EXOSC7: variants seen among roughly 807,000 people sequenced by gnomAD.
EXOSC7 encodes the protein exosome complex component RRP42.
In EXOSC7, 25 loss-of-function variants were observed where a neutral mutation model predicts 34.3. The observed-to-expected ratio is 0.73, with a 90% CI of 0.53 to 1.02. The LOEUF (loss-of-function observed/expected upper bound fraction) is 1.02, where lower values mean the gene tolerates loss of function less well. EXOSC7 is among the 50% of genes least tolerant of loss of function. The pLI is 0.00. For missense variants in EXOSC7, 370 were observed against 368.5 expected (o/e 1.00, Z -0.03); for synonymous variants, 130 against 143.0 (o/e 0.91, Z 0.65).
At chr3:44,996,388 C>CTT (rs1706722751) in intron 3 of EXOSC7, among the ~76,000 whole-genome samples, 2 of 151,914 alleles carry the variant, frequency 1.3e-5, no homozygotes, top group Admixed American at 1.3e-4. Context: ...GGTTATTGGG[C>CTT]ATAAATATCA....
intron 3 of EXOSC7, among the ~76,000 whole-genome samples, chr3:44,996,544 A>G (rs1706727140): frequency 6.6e-6 from 1 of 152,216 alleles, no homozygotes; most frequent in Non-Finnish European, 1.5e-5. Context: ...GTTTCTGACA[A>G]AGCTCTGACA....
chr3:44,997,046 TGGAA>T, intron 3 of EXOSC7, 37 bp from the exon 4 acceptor site: 1 of 1,601,392 alleles, frequency 6.2e-7, no homozygotes, highest in Admixed American at 1.7e-5. Context: ...TTTTTGCACT[TGGAA>T]AGACTCACCC....
intron 6 of EXOSC7, among the ~76,000 whole-genome samples, chr3:45,005,921 A>G (rs779367115): frequency 2.0e-5 from 3 of 152,230 alleles, no homozygotes; most frequent in African/African-American, 7.2e-5. Flanking sequence ...TGTATTGGCT[A>G]TTGACTGGGA....
chr3:45,001,939 A>G (rs1706894341), intron 5 of EXOSC7: 1 of 269,470 alleles, frequency 3.7e-6, no homozygotes, highest in Admixed American at 4.9e-5. Flanking sequence ...TACTGGGTGA[A>G]CTCTATGGGG....
At chr3:45,005,051 T>C (rs1396991277) in intron 5 of EXOSC7, 14 of 472,594 alleles carry the variant, frequency 3.0e-5, no homozygotes, top group Non-Finnish European at 5.0e-5. Flanking sequence ...TGAGATTCTT[T>C]TTTTTCCATT....
Position 44,997,017 on chromosome 3 carries a change from T to A in EXOSC7, c.255-70T>A, listed in dbSNP as rs1271108114. 3 of 1,499,020 alleles carry A rather than the reference T, an allele frequency of 2.0e-6. No homozygotes were observed. In the African/African-American group the frequency reaches 4.1e-5, roughly 21 times the overall value. 92.9% of individuals were successfully genotyped at this position (1,499,020 alleles called of 1,614,324 possible). A position where few individuals can be genotyped will look rare whatever the true frequency, so the allele number is the denominator to read the frequency against. ...CCAGCATTCTACAGGGAAACTGGAA[T>A]AAAGCTTTGCCTCTTTGCTTTTTGC... On this transcript the variant is annotated intron_variant, in intron 3 of 7. Transcript: ENST00000265564.
intron 4 of EXOSC7, among the ~76,000 whole-genome samples, chr3:44,997,859 T>C (rs1485301632): frequency 6.6e-6 from 1 of 152,132 alleles, no homozygotes; most frequent in East Asian, 1.9e-4. Flanking sequence ...TTTAGTTTCC[T>C]GGGTGAGGCC....
chr3:44,990,293 AGAGT>A (rs1024757053), intron 3 of EXOSC7, among the ~76,000 whole-genome samples: 21 of 115,668 alleles, frequency 1.8e-4, no homozygotes, highest in African/African-American at 6.2e-4. Flanking sequence ...GGAAATGAAT[AGAGT>A]GAGTACCTAG....
chr3:45,000,374 GAGATAGAC>G (rs1290614056), intron 4 of EXOSC7, among the ~76,000 whole-genome samples: 1 of 152,206 alleles, frequency 6.6e-6, no homozygotes, highest in East Asian at 1.9e-4. Context: ...AACTGCAGAG[GAGATAGAC>G]TCTAAACAAA....
In EXOSC7 at chr3:44,986,384, C is replaced by T. The variant is rs887617771; in HGVS notation, c.58-2756C>T. On this transcript the variant is annotated intron_variant, in intron 1 of 7. Transcript: ENST00000265564. The stretch of plus-strand genomic sequence containing the variant: ...TGGCTGCTCCAGAGTATGGGGCCCG[C>T]CTAGCCCACACCCACCCGCTGAGCC... Among the ~76,000 whole-genome samples, 34 of 152,350 alleles carry T rather than the reference C, an allele frequency of 2.2e-4. 1 individual carries two copies. The highest frequency in any genetic ancestry group is 1.2e-3 in the Admixed American group (18 of 15,314).
intron 7 of EXOSC7, among the ~76,000 whole-genome samples, chr3:45,009,706 C>G (rs1175855694): frequency 6.6e-6 from 1 of 152,058 alleles, no homozygotes; most frequent in Non-Finnish European, 1.5e-5. Context: ...CCACCACTCC[C>G]AGTTAATTTT....
chr3:44,977,683 T>C (rs72864809), intron 1 of EXOSC7, among the ~76,000 whole-genome samples: 1 of 152,368 alleles, frequency 6.6e-6, no homozygotes, highest in African/African-American at 2.4e-5. Flanking sequence ...TATTTTTGTA[T>C]ACACTTTGTT....
chr3:45,000,919 C>T (rs1387677418), intron 4 of EXOSC7, among the ~76,000 whole-genome samples: 2 of 152,144 alleles, frequency 1.3e-5, no homozygotes, highest in Non-Finnish European at 2.9e-5. Flanking sequence ...AAGCCATGGC[C>T]TCTGAGTGTT....
intron 7 of EXOSC7, among the ~76,000 whole-genome samples, chr3:45,008,114 G>A (rs982027185): frequency 1.3e-5 from 2 of 152,198 alleles, no homozygotes; most frequent in African/African-American, 2.4e-5. Context: ...GAGCCATCAA[G>A]GCGCTTCTAC....
chr3:45,001,597 C>G lies in EXOSC7; in HGVS notation c.480C>G (p.Leu160=). The G allele has an allele frequency of 6.2e-7, 1 of 1,612,232 alleles. No individual in the cohort carries two copies. The highest frequency in any genetic ancestry group is 8.5e-7 in the Non-Finnish European group (1 of 1,178,292). Residue 160 remains leucine, a synonymous_variant, in exon 5 of 8, where the codon CTC becomes CTG. Coordinates refer to ENST00000265564, the MANE Select transcript of EXOSC7 (RefSeq NM_015004.4). ...DAISIAVKAA[L]FNTRIPRVRV... The stretch of plus-strand genomic sequence containing the variant: ...TTTCCATTGCTGTAAAGGCTGCTCT[C>G]TTCAATACAAGGTAAGTCTTCCTAG...
chr3:44,999,149 C>G (rs1400875350), intron 4 of EXOSC7, among the ~76,000 whole-genome samples: 1 of 131,612 alleles, frequency 7.6e-6, no homozygotes, highest in African/African-American at 2.5e-5. Context: ...GCAACAGAAG[C>G]CTGTTCTATT....
At chr3:45,005,770 C>T (rs1043279256) in intron 6 of EXOSC7, among the ~76,000 whole-genome samples, 13 of 152,166 alleles carry the variant, frequency 8.5e-5, no homozygotes, top group African/African-American at 2.4e-4. Flanking sequence ...GGCAGGGTGG[C>T]GAACACTGTC....
chr3:44,997,012 T>C, intron 3 of EXOSC7, 75 bp from the exon 4 acceptor site: 2 of 1,462,494 alleles, frequency 1.4e-6, no homozygotes, highest in Non-Finnish European at 1.9e-6. Context: ...ACAGGGAAAC[T>C]GGAATAAAGC....
chr3:44,997,063 T>G (rs1226819411), intron 3 of EXOSC7, 24 bp from the exon 4 acceptor site: 2 of 1,607,772 alleles, frequency 1.2e-6, no homozygotes, highest in East Asian at 4.5e-5. Context: ...ACTCACCCAG[T>G]TTTTTTGTTT....
Sources: allele counts gnomAD v4.1 joint callset (sites outside exome capture counted in the v4.1 genomes callset), GRCh38; gene constraint gnomAD v4.1.1; transcripts MANE v1.5; gene names NCBI Gene and HGNC (gene_info 2026-07-23, HGNC 2026-07-21).